Variants in DPP6 observed in about 807,000 individuals in gnomAD.
The protein encoded by DPP6 is A-type potassium channel modulatory protein DPP6.
In DPP6, 69 loss-of-function variants were observed where a neutral mutation model predicts 122.6. The observed-to-expected ratio is 0.56, with a 90% CI of 0.46 to 0.69. DPP6 has a LOEUF of 0.69. Ranked by LOEUF, DPP6 falls within the 30% of genes least tolerant of loss-of-function variation. The pLI is 0.00. For synonymous variants in DPP6, 418 were observed against 433.1 expected (o/e 0.97, Z 0.43); for missense variants, 928 against 1,116.9 (o/e 0.83, Z 2.41).
intron 1 of DPP6, among the ~76,000 whole-genome samples, chr7:154,338,888 T>C (rs1292109610): frequency 6.6e-6 from 1 of 152,192 alleles, no homozygotes; most frequent in Admixed American, 6.5e-5. Context: ...CGGGTGGCAT[T>C]GCCCTGCCCC....
At chr7:153,985,787 A>G (rs1354252163) in intron 1 of DPP6, among the ~76,000 whole-genome samples, 1 of 152,200 alleles carries the variant, frequency 6.6e-6, no homozygotes, top group Non-Finnish European at 1.5e-5. Flanking sequence ...GCAATTTGGG[A>G]TGGATGGAGA....
At chr7:154,214,188 G>A (rs762586973) in intron 1 of DPP6, among the ~76,000 whole-genome samples, 2 of 152,190 alleles carry the variant, frequency 1.3e-5, no homozygotes, top group Non-Finnish European at 2.9e-5. Flanking sequence ...ATGTGTTTAG[G>A]TTCAGAATGA....
At chr7:154,539,497 G>C (rs1172748311) in intron 3 of DPP6, among the ~76,000 whole-genome samples, 1 of 152,088 alleles carries the variant, frequency 6.6e-6, no homozygotes, top group Admixed American at 6.6e-5. Context: ...TGGGGGGCAG[G>C]GGGAGGGATA....
At chr7:154,129,682 G>A (rs1375386431) in intron 1 of DPP6, among the ~76,000 whole-genome samples, 5 of 151,998 alleles carry the variant, frequency 3.3e-5, no homozygotes, top group East Asian at 1.9e-4. Flanking sequence ...GGTGGATCAC[G>A]AGGTCAGGAG....
intron 1 of DPP6, among the ~76,000 whole-genome samples, chr7:154,266,818 A>G (rs1245526238): frequency 6.6e-6 from 1 of 152,158 alleles, no homozygotes. Flanking sequence ...AGTCAAAACT[A>G]TTTTCATAAT....
chr7:154,360,805 C>T (rs758965305), intron 1 of DPP6, among the ~76,000 whole-genome samples: 1 of 152,162 alleles, frequency 6.6e-6, no homozygotes. Context: ...TAAATATTGC[C>T]CTCGCCCACC....
intron 2 of DPP6, among the ~76,000 whole-genome samples, chr7:154,474,323 T>C (rs1053118773): frequency 6.6e-6 from 1 of 152,194 alleles, no homozygotes; most frequent in Non-Finnish European, 1.5e-5. Context: ...ATTAGCTGAG[T>C]GTGTTCACAG....
intron 1 of DPP6, among the ~76,000 whole-genome samples, chr7:154,044,260 T>C (rs1364752358): frequency 6.6e-6 from 1 of 152,208 alleles, no homozygotes; most frequent in Non-Finnish European, 1.5e-5. Flanking sequence ...AACCTATTTT[T>C]CCCCTTTATG....
chr7:153,938,424 G>A (rs2129015972), intron 1 of DPP6, among the ~76,000 whole-genome samples: 1 of 152,288 alleles, frequency 6.6e-6, no homozygotes, highest in South Asian at 2.1e-4. Flanking sequence ...CCAGGGTAGA[G>A]ACCAAACCTC....
At chr7:154,404,601 C>T (rs13227108) in intron 1 of DPP6, among the ~76,000 whole-genome samples, 1,663 of 152,258 alleles carry the variant, frequency 0.011, 19 homozygotes, top group Middle Eastern at 0.024. Context: ...ATGACCAGGT[C>T]GACCAGAAAC....
chr7:154,206,687 A>G (rs964607521), intron 1 of DPP6, among the ~76,000 whole-genome samples: 2 of 152,214 alleles, frequency 1.3e-5, no homozygotes, highest in Non-Finnish European at 2.9e-5. Context: ...AATCTTTGAC[A>G]TGCCCTAGAA....
Position 154,241,273 on chromosome 7 carries a change from A to G in DPP6, c.243+188210A>G, listed in dbSNP as rs997745877. 2.6e-5 allele frequency among the ~76,000 whole-genome samples: 4 copies of G among 151,996 alleles called. No homozygotes were observed. The highest frequency in any genetic ancestry group is 2.6e-4 in the Admixed American group (4 of 15,240). On this transcript the variant is annotated intron_variant, in intron 1 of 25. Coordinates refer to ENST00000377770, the MANE Select transcript of DPP6 (RefSeq NM_130797.4). This position sits in a 1 kb window ranked among gnomAD's most constrained non-coding sequence, Gnocchi z 9.0. ...CTTTTATCCATTTAGGAAGACAAAC[A>G]TATTCATAACTATGTTTTCCATTAA...
chr7:154,491,441 A>G (rs1360686391), intron 3 of DPP6, among the ~76,000 whole-genome samples: 2 of 152,216 alleles, frequency 1.3e-5, no homozygotes, highest in Non-Finnish European at 2.9e-5. Flanking sequence ...AAGAAAAGAC[A>G]CAACATATTC....
intron 1 of DPP6, among the ~76,000 whole-genome samples, chr7:153,997,693 C>T (rs2129044649): frequency 6.8e-6 from 1 of 148,110 alleles, no homozygotes; most frequent in African/African-American, 2.6e-5. Context: ...AGGCATCCAA[C>T]AATCAGATAA....
intron 8 of DPP6, among the ~76,000 whole-genome samples, chr7:154,729,131 A>G (rs1216108113): frequency 6.6e-6 from 1 of 152,216 alleles, no homozygotes; most frequent in Non-Finnish European, 1.5e-5. Context: ...CAGGGTAATT[A>G]CCTTTTTTGA....
the DPP6 span, among the ~76,000 whole-genome samples, chr7:153,843,203 C>T: frequency 1.7e-4 from 26 of 151,810 alleles, no homozygotes; most frequent in Non-Finnish European, 3.5e-4. Context: ...CATACACACA[C>T]GTGCACACAC....
intron 1 of DPP6, among the ~76,000 whole-genome samples, chr7:154,117,625 A>T (rs754768572): frequency 5.3e-5 from 8 of 152,218 alleles, no homozygotes; most frequent in Non-Finnish European, 7.3e-5. Flanking sequence ...GCTCGCCACA[A>T]TGAAACATAA....
At chr7:154,308,279 G>A (rs958450443) in intron 1 of DPP6, among the ~76,000 whole-genome samples, 4 of 150,700 alleles carry the variant, frequency 2.7e-5, no homozygotes, top group African/African-American at 9.8e-5. Flanking sequence ...TTTACTATTA[G>A]TTAGAGATTG....
chr7:154,473,863 A>T (rs1294477257), intron 2 of DPP6, among the ~76,000 whole-genome samples: 2 of 152,212 alleles, frequency 1.3e-5, no homozygotes, highest in African/African-American at 4.8e-5. Context: ...GCACACAGAC[A>T]TATGCACCTC....
Sources: gnomAD v4.1 joint callset for allele counts (sites outside exome capture counted in the v4.1 genomes callset) on GRCh38, gnomAD v4.1.1 for gene constraint, Gnocchi (gnomAD v3.1) non-coding constraint, MANE v1.5 for transcripts, NCBI Gene and HGNC (gene_info 2026-07-23, HGNC 2026-07-21) for gene names.